XIRP2: variants seen among roughly 807,000 people sequenced by gnomAD.
XIRP2 encodes the protein xin actin-binding repeat-containing protein 2.
In XIRP2, 236 loss-of-function variants were observed where a neutral mutation model predicts 277.0. The ratio of observed to expected loss-of-function variants is 0.85; its 90% confidence interval spans 0.77 to 0.95. The LOEUF (loss-of-function observed/expected upper bound fraction) is 0.95. Among genes scored for constraint, XIRP2 ranks in the 40% least tolerant of loss-of-function variants. The pLI, the probability that XIRP2 is intolerant of heterozygous loss-of-function variation, is 0.00. For missense variants in XIRP2, 4,640 were observed against 4,157.5 expected (o/e 1.12, Z -3.19); for synonymous variants, 1,490 against 1,416.5 (o/e 1.05, Z -1.17).
At chr2:167,083,645 G>C (rs1395241885) in intron 2 of XIRP2, among the ~76,000 whole-genome samples, 2 of 152,104 alleles carry the variant, frequency 1.3e-5, no homozygotes, top group Admixed American at 6.5e-5. Flanking sequence ...AGTTCTCCTT[G>C]AAGAGATCCT....
intron 2 of XIRP2, among the ~76,000 whole-genome samples, chr2:166,995,516 A>G (rs1168417429): frequency 6.6e-6 from 1 of 152,216 alleles, no homozygotes; most frequent in Non-Finnish European, 1.5e-5. Flanking sequence ...TTGTCACATC[A>G]TCTACAAGGT....
intron 2 of XIRP2, among the ~76,000 whole-genome samples, chr2:167,003,133 A>C (rs1027342051): frequency 6.6e-6 from 1 of 151,886 alleles, no homozygotes; most frequent in Non-Finnish European, 1.5e-5. Context: ...ACAATCAAAA[A>C]CATATGTAAT....
intron 2 of XIRP2, among the ~76,000 whole-genome samples, chr2:167,015,229 C>A (rs768622275): frequency 2.0e-5 from 3 of 151,674 alleles, no homozygotes; most frequent in Non-Finnish European, 1.5e-5. Flanking sequence ...TTAAACATAG[C>A]GTTAAAATAT....
chr2:167,192,394 C>T (rs1005522132), intron 3 of XIRP2, among the ~76,000 whole-genome samples: 2 of 152,056 alleles, frequency 1.3e-5, no homozygotes. Context: ...CAGCACTGCC[C>T]TAATAAGTCA....
chr2:167,099,083 A>C (rs1320105628), intron 2 of XIRP2, among the ~76,000 whole-genome samples: 2 of 152,162 alleles, frequency 1.3e-5, no homozygotes, highest in Non-Finnish European at 2.9e-5. Context: ...GGAACGTTTA[A>C]GTTTGCTGAA....
At chr2:167,027,449 G>T (rs911714327) in intron 2 of XIRP2, among the ~76,000 whole-genome samples, 22 of 152,126 alleles carry the variant, frequency 1.4e-4, no homozygotes, top group African/African-American at 5.3e-4. Flanking sequence ...CCATTGGTTT[G>T]AATTTCCTCC....
chr2:166,975,290 C>T (rs1686680941), intron 2 of XIRP2, among the ~76,000 whole-genome samples: 1 of 152,036 alleles, frequency 6.6e-6, no homozygotes, highest in Non-Finnish European at 1.5e-5. Context: ...CACTGCTGAA[C>T]AACATAACCT....
intron 6 of XIRP2, 47 bp from the exon 7 acceptor site, chr2:167,240,617 A>T: frequency 6.5e-7 from 1 of 1,534,718 alleles, no homozygotes. Context: ...TACTAAAATA[A>T]TTGACTTCTT....
chr2:167,213,206 T>C (rs1207336850), intron 4 of XIRP2, among the ~76,000 whole-genome samples: 1 of 152,172 alleles, frequency 6.6e-6, no homozygotes, highest in African/African-American at 2.4e-5. Context: ...TGTTGAGCAA[T>C]GAATTAAAAT....
At chr2:166,915,741 A>G (rs1351894485) in intron 2 of XIRP2, among the ~76,000 whole-genome samples, 1 of 152,188 alleles carries the variant, frequency 6.6e-6, no homozygotes, top group Non-Finnish European at 1.5e-5. Context: ...ACAGTAGATT[A>G]CTTAATGATT....
At chr2:167,012,894 G>T (rs906959611) in intron 2 of XIRP2, among the ~76,000 whole-genome samples, 1 of 151,064 alleles carries the variant, frequency 6.6e-6, no homozygotes, top group Admixed American at 6.6e-5. Flanking sequence ...ATTCTCCAGC[G>T]TTTTGTTATT....
rs564379021 is a variant in XIRP2 at position 167,222,486 on chromosome 2, T to C, written c.858+4186T>C. ...TTTTGTTTTTCATAACAACCATTAA[T>C]GCTTCCAGTAGATATAAATTAAACC... is the stretch of plus-strand genomic sequence containing the variant. On this transcript the variant is annotated intron_variant, in intron 5 of 10. Coordinates refer to ENST00000409195, the MANE Select transcript of XIRP2 (RefSeq NM_152381.6). Among the ~76,000 whole-genome samples the C allele has an allele frequency of 4.6e-5, 7 of 152,340 alleles. No homozygotes were observed. In the South Asian group the frequency reaches 8.3e-4, roughly 18 times the overall value.
intron 2 of XIRP2, among the ~76,000 whole-genome samples, chr2:167,100,593 A>G (rs534922892): frequency 6.6e-6 from 1 of 152,338 alleles, no homozygotes; most frequent in East Asian, 1.9e-4. Flanking sequence ...TCCTTTAACA[A>G]TTACAGTCTA....
At chr2:167,074,623 C>T (rs143551517) in intron 2 of XIRP2, among the ~76,000 whole-genome samples, 2,152 of 140,960 alleles carry the variant, frequency 0.015, 59 homozygotes, top group African/African-American at 0.061. Context: ...TGTGTGTGTG[C>T]ATGTGTGTGT....
rs893715167 is a variant in XIRP2 at position 167,245,375 on chromosome 2, A to T, written c.3983A>T (p.Glu1328Val). Residue 1328 changes from glutamate to valine, a missense_variant, in exon 9 of 11, where the codon GAA becomes GTA. Glu to Val is a moderately radical substitution (Grantham distance 121). Transcript: ENST00000409195. Reference sequence around the variant, plus strand: ...CCACTCTATGCAATTCAAGACCGAGAAGGGTCCTATCATGAAGTGACCACA... The same window carrying T: ...CCACTCTATGCAATTCAAGACCGAGTAGGGTCCTATCATGAAGTGACCACA... ...TQPLYAIQDR[E>V]GSYHEVTTVK... 5 of 1,613,620 alleles carry T rather than the reference A, an allele frequency of 3.1e-6. No homozygotes were observed. The highest frequency in any genetic ancestry group is 4.2e-6 in the Non-Finnish European group (5 of 1,179,734).
At chr2:167,025,792 T>C (rs1018747686) in intron 2 of XIRP2, among the ~76,000 whole-genome samples, 4 of 152,158 alleles carry the variant, frequency 2.6e-5, no homozygotes, top group Non-Finnish European at 5.9e-5. Flanking sequence ...TCCTGAGTTC[T>C]AGTTTGCTTG....
At chr2:167,078,361 A>C (rs978667024) in intron 2 of XIRP2, among the ~76,000 whole-genome samples, 1 of 152,204 alleles carries the variant, frequency 6.6e-6, no homozygotes, top group East Asian at 1.9e-4. Context: ...TTATCAGTTC[A>C]AGGACGCTTT....
At chr2:167,114,635 C>T (rs1413360143) in intron 2 of XIRP2, among the ~76,000 whole-genome samples, 10 of 151,562 alleles carry the variant, frequency 6.6e-5, no homozygotes, top group Non-Finnish European at 8.8e-5. Flanking sequence ...GTGATGTTCC[C>T]CTTCCCGTGT....
chr2:167,235,856 T>C (rs998022349), intron 5 of XIRP2, among the ~76,000 whole-genome samples: 2 of 151,630 alleles, frequency 1.3e-5, no homozygotes, highest in Admixed American at 6.6e-5. Flanking sequence ...AAGGAAAAAA[T>C]TCAATGTTTG....
Sources: gnomAD v4.1 joint callset for allele counts (sites outside exome capture counted in the v4.1 genomes callset) on GRCh38, gnomAD v4.1.1 for gene constraint, MANE v1.5 for transcripts, NCBI Gene and HGNC (gene_info 2026-07-23, HGNC 2026-07-21) for gene names.